The following FGD3 variants were observed in gnomAD, a reference collection of about 807,000 sequenced individuals.
The protein encoded by FGD3 is FYVE, RhoGEF and PH domain-containing protein 3.
In FGD3, 45 loss-of-function variants were observed where a neutral mutation model predicts 71.8. The ratio of observed to expected loss-of-function variants is 0.63; its 90% confidence interval spans 0.49 to 0.80. The LOEUF (loss-of-function observed/expected upper bound fraction) is 0.80. Ranked by LOEUF, FGD3 falls within the 30% of genes least tolerant of loss-of-function variation. FGD3 has a pLI of 0.00. For missense variants in FGD3, 844 were observed against 951.5 expected, an observed-to-expected ratio of 0.89 and a Z score of 1.49; for synonymous variants, 378 against 392.8, an observed-to-expected ratio of 0.96 and a Z score of 0.44.
chr9:92,987,309 G>A (rs376894718), intron 3 of FGD3, among the ~76,000 whole-genome samples: 1 of 151,958 alleles, frequency 6.6e-6, no homozygotes, highest in Admixed American at 6.6e-5. Flanking sequence ...GTGGGTGCCT[G>A]TAATCCCAGC....
chr9:93,026,218 C>T (rs1198586691), intron 14 of FGD3, among the ~76,000 whole-genome samples: 4 of 152,144 alleles, frequency 2.6e-5, no homozygotes, highest in African/African-American at 9.7e-5. Context: ...GTGTTTTGGG[C>T]GCTTTGGGGG....
intron 1 of FGD3, among the ~76,000 whole-genome samples, chr9:92,964,726 C>G (rs1859248638): frequency 6.6e-6 from 1 of 152,158 alleles, no homozygotes. Flanking sequence ...GGGTCCGAGG[C>G]TGACCAGATG....
At position 93,035,693 on chromosome 9, in the gene FGD3, G is replaced by A. The variant is rs1862574672; in HGVS notation, c.*104G>A. ...GAGCGCCCTGGACTGCTGAGGGTGG[G>A]CCAACAGCCCAGAGCTCAGGACACT... On this transcript the variant is annotated 3_prime_UTR_variant, in exon 18 of 18. Coordinates refer to ENST00000375482, the MANE Select transcript of FGD3 (RefSeq NM_001083536.2). 1.4e-6 allele frequency: 2 copies of A among 1,442,172 alleles called. No homozygotes were observed. Among genetic ancestry groups the A allele is most frequent in the Non-Finnish European group, 1.8e-6 (2 of 1,090,732 alleles). The allele number at this position is 1,442,172 out of a possible 1,614,324, so 89.3% of individuals were successfully genotyped here. A position where few individuals can be genotyped will look rare whatever the true frequency, so the allele number is the denominator to read the frequency against.
intron 1 of FGD3, among the ~76,000 whole-genome samples, chr9:92,952,699 TTC>T (rs1382088744): frequency 1.3e-5 from 2 of 151,226 alleles, no homozygotes; most frequent in Non-Finnish European, 3.0e-5. Flanking sequence ...CCTCCCTTCT[TTC>T]TCTCTTTCCT....
At chr9:92,949,122 G>GA (rs1162514629) in intron 1 of FGD3, among the ~76,000 whole-genome samples, 1 of 152,170 alleles carries the variant, frequency 6.6e-6, no homozygotes, top group Admixed American at 6.5e-5. Flanking sequence ...ACACCCCAGA[G>GA]AGGGGGTCAC....
intron 6 of FGD3, among the ~76,000 whole-genome samples, chr9:93,007,974 C>T (rs1032266036): frequency 6.6e-6 from 1 of 152,178 alleles, no homozygotes; most frequent in Non-Finnish European, 1.5e-5. Flanking sequence ...AAAACAGGAT[C>T]GCATGACAGT....
chr9:93,033,098 C>G, intron 16 of FGD3: 1 of 608,004 alleles, frequency 1.6e-6, no homozygotes, highest in South Asian at 1.7e-5. Context: ...GCTTGGGAAC[C>G]ATTTGCATCC....
chr9:92,962,276 C>A (rs1859181930), intron 1 of FGD3, among the ~76,000 whole-genome samples: 2 of 152,360 alleles, frequency 1.3e-5, no homozygotes, highest in South Asian at 2.1e-4. Flanking sequence ...TCATGACCCT[C>A]TTAGGACGAC....
At position 92,969,660 on chromosome 9, in the gene FGD3, T is replaced by A. The variant is rs1197034240; in HGVS notation, c.-217-5578T>A. On this transcript the variant is annotated intron_variant, in intron 1 of 17. Transcript: ENST00000375482. This position sits in a 1 kb window ranked among gnomAD's most constrained non-coding sequence, Gnocchi z 4.5. ...TGGACAGGTGCCGTGGTGGGTTTCT[T>A]TCAGATGGGGGGGGACTCCCGCACG... is the stretch of plus-strand genomic sequence containing the variant. Among the ~76,000 whole-genome samples, 6 of 152,016 alleles carry A rather than the reference T, an allele frequency of 3.9e-5. No homozygotes were observed. Among genetic ancestry groups the A allele is most frequent in the Admixed American group, 3.9e-4 (6 of 15,252 alleles).
At chr9:93,010,525 G>GAGAC (rs1225562687) in intron 7 of FGD3, 141 bp downstream of exon 7, 18 of 888,020 alleles carry the variant, frequency 2.0e-5, no homozygotes, top group Non-Finnish European at 2.9e-5. Context: ...GAAAGAGACA[G>GAGAC]AGACAGAGGC....
intron 6 of FGD3, among the ~76,000 whole-genome samples, chr9:93,009,372 T>A (rs1861206379): frequency 6.6e-6 from 1 of 152,254 alleles, no homozygotes; most frequent in South Asian, 2.1e-4. Context: ...CACCCTGTTG[T>A]ATCCCAGGCA....
chr9:92,974,822 T>A (rs542887265), intron 1 of FGD3: 2 of 152,632 alleles, frequency 1.3e-5, no homozygotes, highest in East Asian at 3.8e-4. Flanking sequence ...CCTCTCTGTA[T>A]GTGCCTGGGG....
chr9:93,033,400 C>T (rs1473711473), intron 16 of FGD3: 1 of 190,746 alleles, frequency 5.2e-6, no homozygotes, highest in Non-Finnish European at 1.1e-5. Context: ...TGTCTTTCTC[C>T]TTCTCCTCTC....
intron 9 of FGD3, 91 bp downstream of exon 9, chr9:93,014,089 A>T: frequency 6.9e-7 from 1 of 1,456,662 alleles, no homozygotes; most frequent in Non-Finnish European, 9.1e-7. Context: ...TGGCTGCCCA[A>T]GGACATGGCT....
intron 13 of FGD3, chr9:93,020,649 AC>A (rs1249663571): frequency 8.1e-6 from 4 of 496,138 alleles, no homozygotes; most frequent in Middle Eastern, 1.1e-3. Flanking sequence ...GATAACACCC[AC>A]CCCCTACAAC....
intron 1 of FGD3, among the ~76,000 whole-genome samples, chr9:92,971,556 CTTTTCTTTTCTTT>C (rs1859529976): frequency 3.2e-5 from 2 of 61,610 alleles, no homozygotes; most frequent in African/African-American, 7.3e-5. Flanking sequence ...CTTTTCTTTT[CTTTTCTTTTCTTT>C]TTTTTTTTTT....
chr9:93,023,913 TGCCTCA>T (rs1862026554), intron 14 of FGD3, among the ~76,000 whole-genome samples: 1 of 149,196 alleles, frequency 6.7e-6, no homozygotes, highest in Non-Finnish European at 1.5e-5. Context: ...GTGATCCTCC[TGCCTCA>T]GCCTCCCCAG....
At chr9:92,963,941 G>C (rs992894888) in intron 1 of FGD3, 5 of 152,348 alleles carry the variant, frequency 3.3e-5, no homozygotes, top group Non-Finnish European at 5.9e-5. Flanking sequence ...GGGCTTGTCT[G>C]GTCTAGGGCC....
intron 1 of FGD3, among the ~76,000 whole-genome samples, chr9:92,960,486 G>A (rs1859149615): frequency 6.6e-6 from 1 of 152,080 alleles, no homozygotes; most frequent in Admixed American, 6.5e-5. Context: ...AATAACCATG[G>A]GTAAGATGGC....
Sources: gnomAD v4.1 joint callset for allele counts (sites outside exome capture counted in the v4.1 genomes callset) on GRCh38, gnomAD v4.1.1 for gene constraint, Gnocchi (gnomAD v3.1) non-coding constraint, MANE v1.5 for transcripts, NCBI Gene and HGNC (gene_info 2026-07-23, HGNC 2026-07-21) for gene names.